The following PC variants were observed in gnomAD, a reference collection of about 807,000 sequenced individuals.
PC encodes pyruvate carboxylase, mitochondrial.
PC carries 46 observed loss-of-function variants against 107.8 expected under a neutral mutation model. The observed-to-expected ratio is 0.43, with a 90% CI of 0.34 to 0.55. PC has a LOEUF of 0.55. Among genes scored for constraint, PC ranks in the 20% least tolerant of loss-of-function variants. The pLI is 0.04. For synonymous variants in PC, 662 were observed against 684.7 expected (o/e 0.97, Z 0.52); for missense variants, 1,241 against 1,643.1 (o/e 0.76, Z 4.23).
intron 12 of PC, among the ~76,000 whole-genome samples, chr11:66,862,047 C>T (rs1946287138): frequency 6.6e-6 from 1 of 152,120 alleles, no homozygotes; most frequent in African/African-American, 2.4e-5. Flanking sequence ...GAGCAACGGG[C>T]AGGGGCAGGC....
chr11:66,934,485 C>T (rs1948946137), intron 3 of PC: 1 of 154,150 alleles, frequency 6.5e-6, no homozygotes, highest in Non-Finnish European at 1.5e-5. Flanking sequence ...GGTCTTACTG[C>T]CCTCATTTTA....
chr11:66,854,410 G>C (rs1022556318), intron 12 of PC, among the ~76,000 whole-genome samples: 7 of 152,166 alleles, frequency 4.6e-5, no homozygotes, highest in African/African-American at 1.7e-4. Context: ...TTCATCCTCT[G>C]CTTGTCTGCC....
Position 66,857,590 on chromosome 11 carries a change from C to G in PC, c.1369-4207G>C, listed in dbSNP as rs1945942576. The G allele has an allele frequency of 1.3e-6, 1 of 767,768 alleles. No individual in the cohort carries two copies. Among genetic ancestry groups the G allele is most frequent in the Non-Finnish European group, 2.0e-6 (1 of 491,994 alleles). 47.6% of individuals were successfully genotyped at this position (767,768 alleles called of 1,614,324 possible). ...CCTGGCCCTGCAGGCCCCAACCTTC[C>G]CTCATCTCTGGCGGCCCTCTTGGGC... On this transcript the variant is annotated intron_variant, in intron 12 of 22. Transcript: ENST00000393960. The surrounding 1 kb of genome is among the most constrained non-coding windows in gnomAD (Gnocchi z 7.1).
chr11:66,904,891 G>T (rs1371707365), intron 3 of PC, among the ~76,000 whole-genome samples: 1 of 152,162 alleles, frequency 6.6e-6, no homozygotes, highest in Non-Finnish European at 1.5e-5. Context: ...TCTACCTCTG[G>T]ACCTGTTAGT....
rs781763774 is a variant in PC, at chr11:66,858,690, G to A, written c.1368+5084C>T. The A allele has an allele frequency of 1.7e-5, 27 of 1,547,720 alleles. No homozygotes were observed. In the Admixed American group the frequency reaches 4.5e-4, roughly 26 times the overall value. ...CCCCGCGCCTACCATGCACTGGGTC[G>A]GTCCTGACGACCGGTTGGTTGGCAA... is the stretch of plus-strand genomic sequence containing the variant. On this transcript the variant is annotated intron_variant, in intron 12 of 22. Transcript: ENST00000393960. This position sits in a 1 kb window ranked among gnomAD's most constrained non-coding sequence, Gnocchi z 5.9.
chr11:66,848,798 C>G lies in PC; in HGVS notation c.*101G>C, dbSNP rs561169212. ...AGCTGTGGACAGGACCTCCACGGCC[C>G]GGCCTTCCTGGCCTCGGGCACTGGC... is the stretch of plus-strand genomic sequence containing the variant. On this transcript the variant is annotated 3_prime_UTR_variant, in exon 23 of 23. Coordinates refer to ENST00000393960, the MANE Select transcript of PC (RefSeq NM_001040716.2). 1.3e-6 allele frequency: 2 copies of G among 1,501,050 alleles called. No individual in the cohort carries two copies. Among genetic ancestry groups the G allele is most frequent in the Admixed American group, 1.7e-5 (1 of 58,586 alleles). 93.0% of individuals were successfully genotyped at this position (1,501,050 alleles called of 1,614,324 possible). A position where few individuals can be genotyped will look rare whatever the true frequency, so the allele number is the denominator to read the frequency against.
Position 66,852,696 on chromosome 11 carries a change from G to C in PC, c.1604-36C>G. ...CAGGGGCATTGGTGCCCATCCTGCAGGTGGCAACCTCCTGTCTCCCCCATG... is the reference window on the plus strand; with the variant it reads ...CAGGGGCATTGGTGCCCATCCTGCACGTGGCAACCTCCTGTCTCCCCCATG... On this transcript the variant is annotated intron_variant, in intron 14 of 22. Transcript: ENST00000393960. The surrounding 1 kb of genome is among the most constrained non-coding windows in gnomAD (Gnocchi z 4.7). The C allele has an allele frequency of 6.2e-7, 1 of 1,611,432 alleles. No homozygotes were observed. The highest frequency in any genetic ancestry group is 8.5e-7 in the Non-Finnish European group (1 of 1,177,866).
chr11:66,934,162 C>T (rs1948936324), intron 3 of PC, among the ~76,000 whole-genome samples: 1 of 152,094 alleles, frequency 6.6e-6, no homozygotes, highest in South Asian at 2.1e-4. Flanking sequence ...ATCACACATG[C>T]GAGGACCAGC....
intron 3 of PC, among the ~76,000 whole-genome samples, chr11:66,947,895 A>G (rs1949338329): frequency 6.8e-6 from 1 of 146,912 alleles, no homozygotes; most frequent in African/African-American, 2.5e-5. Context: ...CCCGGGAGGC[A>G]GAGGTTGCAG....
chr11:66,879,842 CGAGT>C (rs1947122552), intron 3 of PC, among the ~76,000 whole-genome samples: 1 of 152,116 alleles, frequency 6.6e-6, no homozygotes. Context: ...GATGTGCTGC[CGAGT>C]GAGGCGGAAG....
chr11:66,874,884 G>A (rs916974364), intron 3 of PC, among the ~76,000 whole-genome samples: 1 of 152,222 alleles, frequency 6.6e-6, no homozygotes, highest in Non-Finnish European at 1.5e-5. Flanking sequence ...AGGCCTCTCT[G>A]AGGAGGGGAC....
At chr11:66,943,511 C>CGGATCATGA (rs1245658104) in intron 3 of PC, among the ~76,000 whole-genome samples, 4 of 151,170 alleles carry the variant, frequency 2.6e-5, no homozygotes, top group African/African-American at 7.3e-5. Flanking sequence ...GGCCGAGGCC[C>CGGATCATGA]GGATCATGAG....
chr11:66,935,372 A>G (rs1377926435), intron 3 of PC, among the ~76,000 whole-genome samples: 1 of 152,222 alleles, frequency 6.6e-6, no homozygotes, highest in Non-Finnish European at 1.5e-5. Context: ...AAAAGCCAGG[A>G]GGGCTGAAGA....
At chr11:66,926,712 TTCC>T (rs1258576002) in intron 3 of PC, among the ~76,000 whole-genome samples, 15 of 152,262 alleles carry the variant, frequency 9.9e-5, no homozygotes, top group African/African-American at 2.9e-4. Flanking sequence ...CTAGCTGTCA[TTCC>T]CCATTCCCAC....
intron 12 of PC, chr11:66,856,773 C>CA (rs1279768593): frequency 6.6e-6 from 1 of 152,034 alleles, no homozygotes; most frequent in Non-Finnish European, 1.5e-5. Flanking sequence ...TGGCTGTCTG[C>CA]AGAGTGAGGT....
intron 3 of PC, among the ~76,000 whole-genome samples, chr11:66,892,650 G>A (rs1401880782): frequency 6.6e-6 from 1 of 152,112 alleles, no homozygotes; most frequent in African/African-American, 2.4e-5. Context: ...TTCAAGACCA[G>A]CCTGGCCAAG....
At chr11:66,861,793 T>C (rs1360096842) in intron 12 of PC, among the ~76,000 whole-genome samples, 3 of 152,008 alleles carry the variant, frequency 2.0e-5, no homozygotes, top group African/African-American at 7.2e-5. Flanking sequence ...CCAGAGACAC[T>C]TATCCTGCTG....
chr11:66,852,656 C>A lies in PC; in HGVS notation c.1608G>T (p.Pro536=), dbSNP rs139074169. The change falls in exon 15 of 23, where the codon CCG becomes CCT. Residue 536 remains proline (P), a synonymous_variant. Coordinates refer to ENST00000393960, the MANE Select transcript of PC (RefSeq NM_001040716.2). The surrounding 1 kb of genome is among the most constrained non-coding windows in gnomAD (Gnocchi z 4.7). ...DPVVPAVPIG[P]PPAGFRDILL... ...GGATGTCTCTGAAACCAGCCGGGGG[C>A]GGGCCTAGGGTAGACAGGGGCATTG... 3 of 1,613,388 alleles carry A rather than the reference C, an allele frequency of 1.9e-6. No individual in the cohort carries two copies. In the Admixed American group the frequency reaches 5.0e-5, roughly 27 times the overall value.
chr11:66,851,233 A>G lies in PC; in HGVS notation c.2030T>C (p.Phe677Ser). ...GTTGGGCAAGTAGTTGAGGGAGTCA[A>G]ACACACGGAAGACATCCATGCCATT... The part of the protein sequence containing the change: ...KENGMDVFRV[F>S]DSLNYLPNML... The change falls in exon 17 of 23, where the codon TTT becomes TCT. Residue 677 changes from phenylalanine (F) to serine (S), a missense_variant. By Grantham distance (155) the Phe-to-Ser change is radical. Around this residue, in one of 2 missense-constraint regions of PC, gnomAD observed 1,143 missense variants for 1,551.9 expected, o/e 0.74. Coordinates refer to ENST00000393960, the MANE Select transcript of PC (RefSeq NM_001040716.2). 6.2e-7 allele frequency: 1 copy of G among 1,605,148 alleles called. No individual in the cohort carries two copies. The highest frequency in any genetic ancestry group is 8.5e-7 in the Non-Finnish European group (1 of 1,179,958).
Sources: gnomAD v4.1 joint callset for allele counts (sites outside exome capture counted in the v4.1 genomes callset) on GRCh38, gnomAD v4.1.1 for gene constraint, gnomAD v4.1.1 regional missense constraint, Gnocchi (gnomAD v3.1) non-coding constraint, MANE v1.5 for transcripts, NCBI Gene and HGNC (gene_info 2026-07-23, HGNC 2026-07-21) for gene names.